Variants in GNA12 observed in about 807,000 individuals in gnomAD.
GNA12 encodes guanine nucleotide-binding protein subunit alpha-12.
GNA12 carries 9 observed loss-of-function variants against 26.0 expected under a neutral mutation model. The ratio of observed to expected loss-of-function variants is 0.35; its 90% CI spans 0.21 to 0.60. The LOEUF (loss-of-function observed/expected upper bound fraction) is 0.60. Ranked by LOEUF, GNA12 falls within the 20% of genes least tolerant of loss-of-function variation. GNA12 has a pLI of 0.78. For missense variants in GNA12, 405 were observed against 525.8 expected, an observed-to-expected ratio of 0.77 and a Z score of 2.25; for synonymous variants, 264 against 219.6, an observed-to-expected ratio of 1.20 and a Z score of -1.79.
chr7:2,814,442 A>AC, intron 1 of GNA12: 2 of 1,035,692 alleles, frequency 1.9e-6, no homozygotes, highest in Non-Finnish European at 3.1e-6. Flanking sequence ...ACAATTAGAG[A>AC]CATCAGAATA....
At chr7:2,761,480 A>C (rs925786447) in intron 2 of GNA12, among the ~76,000 whole-genome samples, 1 of 152,174 alleles carries the variant, frequency 6.6e-6, no homozygotes, top group African/African-American at 2.4e-5. Context: ...GAAAACCAGA[A>C]ACTTTTTCCT....
intron 2 of GNA12, among the ~76,000 whole-genome samples, chr7:2,776,709 G>A (rs1792086632): frequency 6.6e-6 from 1 of 152,194 alleles, no homozygotes; most frequent in African/African-American, 2.4e-5. Flanking sequence ...CCCACTTGGT[G>A]CAGTGATCCT....
At chr7:2,781,412 CTGTGTGTGTGTGTGTGTGTGTGTGTG>C (rs58348546) in intron 2 of GNA12, among the ~76,000 whole-genome samples, 2 of 143,616 alleles carry the variant, frequency 1.4e-5, no homozygotes, top group Non-Finnish European at 3.0e-5. Context: ...AAGTAAGTGT[CTGTGTGTGTGTGTGTGTGTGTGTGTG>C]TGTGTGTGTG....
chr7:2,767,613 T>A (rs1013261384), intron 2 of GNA12, among the ~76,000 whole-genome samples: 1 of 141,012 alleles, frequency 7.1e-6, no homozygotes, highest in Non-Finnish European at 1.6e-5. Flanking sequence ...GTCTTCTTAT[T>A]TAAAATCAAC....
At chr7:2,795,850 ACT>A (rs1033767895) in intron 1 of GNA12, among the ~76,000 whole-genome samples, 1 of 138,496 alleles carries the variant, frequency 7.2e-6, no homozygotes, top group Non-Finnish European at 1.5e-5. Context: ...ATGGAGTTTC[ACT>A]CTTTTTGCCC....
intron 2 of GNA12, among the ~76,000 whole-genome samples, chr7:2,754,440 T>A (rs546752883): frequency 6.6e-6 from 1 of 152,150 alleles, no homozygotes; most frequent in African/African-American, 2.4e-5. Context: ...TGTCTTTTCA[T>A]CCTCTTACTA....
chr7:2,832,272 A>C (rs1778694992), intron 1 of GNA12, among the ~76,000 whole-genome samples: 2 of 152,192 alleles, frequency 1.3e-5, no homozygotes, highest in South Asian at 4.1e-4. Context: ...TCCCCAGAGA[A>C]GTGAACTAGG....
intron 1 of GNA12, among the ~76,000 whole-genome samples, chr7:2,840,722 C>T (rs773595986): frequency 2.0e-5 from 3 of 152,160 alleles, no homozygotes; most frequent in Non-Finnish European, 4.4e-5. Context: ...TGGTGGTACA[C>T]ACCTACAGTC....
At chr7:2,822,149 T>A (rs908169054) in intron 1 of GNA12, among the ~76,000 whole-genome samples, 4 of 152,258 alleles carry the variant, frequency 2.6e-5, no homozygotes, top group Non-Finnish European at 4.4e-5. Flanking sequence ...CATTCTCTTT[T>A]AACTTTTTAT....
chr7:2,820,339 C>T (rs911072181), intron 1 of GNA12, among the ~76,000 whole-genome samples: 5 of 151,160 alleles, frequency 3.3e-5, no homozygotes, highest in Non-Finnish European at 7.4e-5. Flanking sequence ...AGACTGAAGT[C>T]CACTGAATTG....
At chr7:2,842,257 C>G (rs1779018771) in intron 1 of GNA12, among the ~76,000 whole-genome samples, 1 of 152,154 alleles carries the variant, frequency 6.6e-6, no homozygotes. Flanking sequence ...CCTTGAGGCC[C>G]TTTAACACAG....
chr7:2,741,931 T>A (rs1211011633), intron 2 of GNA12, among the ~76,000 whole-genome samples: 1 of 151,682 alleles, frequency 6.6e-6, no homozygotes, highest in Non-Finnish European at 1.5e-5. Context: ...TATAAGACCA[T>A]TTCCCTCCTC....
chr7:2,807,375 T>C (rs768510864), intron 1 of GNA12, among the ~76,000 whole-genome samples: 1 of 152,184 alleles, frequency 6.6e-6, no homozygotes, highest in East Asian at 1.9e-4. Flanking sequence ...TTCTAGTCTC[T>C]TGTTTCCAGT....
chr7:2,756,605 T>TCAAACAAACAAA lies in GNA12; in HGVS notation c.526-23116_526-23105dup, dbSNP rs139218513. On this transcript the variant is annotated intron_variant, in intron 2 of 3. Transcript: ENST00000275364. ...ACTACAGCCTGAGTGAGACCCTGTC[T>TCAAACAAACAAA]CAAACAAACAAACAAACAAACAAAA... is the stretch of plus-strand genomic sequence containing the variant. Among the ~76,000 whole-genome samples, 58 of 151,418 alleles carry TCAAACAAACAAA rather than the reference T, an allele frequency of 3.8e-4. 2 individuals carry two copies. Among genetic ancestry groups the TCAAACAAACAAA allele is most frequent in the South Asian group, 2.3e-3 (11 of 4,772 alleles).
At chr7:2,818,496 C>T (rs1793266576) in intron 1 of GNA12, among the ~76,000 whole-genome samples, 1 of 151,684 alleles carries the variant, frequency 6.6e-6, no homozygotes, top group Non-Finnish European at 1.5e-5. Context: ...GGTGCGGTGG[C>T]TCATGCCTGT....
At chr7:2,811,180 C>T (rs558562484) in intron 1 of GNA12, among the ~76,000 whole-genome samples, 2 of 152,306 alleles carry the variant, frequency 1.3e-5, no homozygotes, top group South Asian at 2.1e-4. Flanking sequence ...GGGCTCCAGG[C>T]GAACCATTTC....
intron 2 of GNA12, among the ~76,000 whole-genome samples, chr7:2,786,340 T>C (rs551514997): frequency 2.9e-4 from 43 of 150,314 alleles, no homozygotes; most frequent in Admixed American, 2.1e-3. Context: ...GAAAAGGGAG[T>C]TGGAAAAAAC....
chr7:2,792,056 G>A (rs899328820), intron 2 of GNA12, among the ~76,000 whole-genome samples: 4 of 152,068 alleles, frequency 2.6e-5, no homozygotes, highest in Non-Finnish European at 4.4e-5. Context: ...GCATAAGATC[G>A]AACCAAAGGG....
chr7:2,769,478 C>G (rs950827794), intron 2 of GNA12, among the ~76,000 whole-genome samples: 1 of 151,632 alleles, frequency 6.6e-6, no homozygotes, highest in African/African-American at 2.4e-5. Context: ...TGTCTGTAAT[C>G]CCAGCACTTT....
Sources: gnomAD v4.1 joint callset for allele counts (sites outside exome capture counted in the v4.1 genomes callset) on GRCh38, gnomAD v4.1.1 for gene constraint, MANE v1.5 for transcripts, NCBI Gene and HGNC (gene_info 2026-07-23, HGNC 2026-07-21) for gene names.